ENTREP2: variants seen among roughly 807,000 people sequenced by gnomAD.
ENTREP2 encodes protein ENTREP2.
At chr15:29,488,371 T>C in the ENTREP2 span, among the ~76,000 whole-genome samples, 1 of 152,098 alleles carries the variant, frequency 6.6e-6, no homozygotes, top group Non-Finnish European at 1.5e-5. Flanking sequence ...ATGAAAATTA[T>C]CCAGTCTGAG....
chr15:29,263,688 G>A, the ENTREP2 span, among the ~76,000 whole-genome samples: 60 of 152,360 alleles, frequency 3.9e-4, no homozygotes, highest in Non-Finnish European at 7.3e-4. Flanking sequence ...GTGCTGTGTA[G>A]ATGACTGATA....
chr15:29,134,676 G>A, the ENTREP2 span, among the ~76,000 whole-genome samples: 2 of 152,206 alleles, frequency 1.3e-5, no homozygotes, highest in Admixed American at 1.3e-4. Context: ...AGTCCTTGTG[G>A]GTGTGATTGT....
At chr15:29,202,464 AT>A in the ENTREP2 span, among the ~76,000 whole-genome samples, 4 of 152,146 alleles carry the variant, frequency 2.6e-5, no homozygotes, top group Admixed American at 2.6e-4. Context: ...ATCACCTCCC[AT>A]TTTAAAAATT....
At chr15:29,489,016 T>C in the ENTREP2 span, among the ~76,000 whole-genome samples, 1 of 152,126 alleles carries the variant, frequency 6.6e-6, no homozygotes, top group African/African-American at 2.4e-5. Context: ...CTGGAGACAA[T>C]GAAAATAATT....
At chr15:29,173,373 T>G in the ENTREP2 span, among the ~76,000 whole-genome samples, 1 of 152,214 alleles carries the variant, frequency 6.6e-6, no homozygotes, top group Non-Finnish European at 1.5e-5. Flanking sequence ...GATCTTCTTT[T>G]GGTCACTTCT....
At chr15:29,640,535 G>T in the ENTREP2 span, among the ~76,000 whole-genome samples, 1 of 151,990 alleles carries the variant, frequency 6.6e-6, no homozygotes, top group Non-Finnish European at 1.5e-5. Context: ...AGTGGTGTGT[G>T]CCTGTAGACC....
chr15:29,453,912 C>G, the ENTREP2 span, among the ~76,000 whole-genome samples: 1 of 152,212 alleles, frequency 6.6e-6, no homozygotes, highest in Admixed American at 6.5e-5. Context: ...CAAGCTGCAT[C>G]CAATTTTCAA....
At chr15:29,343,160 A>G in the ENTREP2 span, among the ~76,000 whole-genome samples, 1 of 151,918 alleles carries the variant, frequency 6.6e-6, no homozygotes, top group African/African-American at 2.4e-5. Context: ...TTATTTGTTT[A>G]TATTTTCATA....
the ENTREP2 span, among the ~76,000 whole-genome samples, chr15:29,244,328 T>G: frequency 6.6e-6 from 1 of 152,226 alleles, no homozygotes; most frequent in East Asian, 1.9e-4. Flanking sequence ...ATGGCAGACA[T>G]TACTCTACAT....
the ENTREP2 span, among the ~76,000 whole-genome samples, chr15:29,617,097 T>C: frequency 6.6e-6 from 1 of 152,114 alleles, no homozygotes; most frequent in Admixed American, 6.5e-5. Flanking sequence ...TAAGATAAGA[T>C]TTATTATAGG....
chr15:29,352,947 CTT>C, the ENTREP2 span, among the ~76,000 whole-genome samples: 8 of 152,096 alleles, frequency 5.3e-5, no homozygotes, highest in South Asian at 2.1e-4. Context: ...AGTTCTATCT[CTT>C]GTTTCTATTA....
the ENTREP2 span, among the ~76,000 whole-genome samples, chr15:29,179,305 T>C: frequency 6.6e-6 from 1 of 152,262 alleles, no homozygotes; most frequent in Admixed American, 6.5e-5. Flanking sequence ...ATAGGAGCCA[T>C]GTGCAAATGC....
At chr15:29,201,982 A>G in the ENTREP2 span, among the ~76,000 whole-genome samples, 1 of 152,152 alleles carries the variant, frequency 6.6e-6, no homozygotes, top group Admixed American at 6.5e-5. Context: ...TCTCTACTTC[A>G]TAGTGTACGA....
the ENTREP2 span, among the ~76,000 whole-genome samples, chr15:29,206,250 C>G: frequency 6.6e-6 from 1 of 152,168 alleles, no homozygotes; most frequent in Non-Finnish European, 1.5e-5. Context: ...AGAGACAAGG[C>G]AGTTTTCTGG....
the ENTREP2 span, among the ~76,000 whole-genome samples, chr15:29,657,282 A>C: frequency 2.9e-4 from 44 of 151,798 alleles, no homozygotes; most frequent in Non-Finnish European, 4.9e-4. Context: ...GATGGTCGCA[A>C]ATCTCTCGAC....
At chr15:29,662,211 C>CAAAAAAA in the ENTREP2 span, among the ~76,000 whole-genome samples, 3 of 46,940 alleles carry the variant, frequency 6.4e-5, no homozygotes, top group Admixed American at 3.2e-4. Flanking sequence ...AACCCTGTCG[C>CAAAAAAA]AAAAAAAAAA....
chr15:29,577,313 G>GGTGTGTGTGTGTGTGTGT, the ENTREP2 span, among the ~76,000 whole-genome samples: 396 of 139,898 alleles, frequency 2.8e-3, 2 homozygotes, highest in Non-Finnish European at 4.2e-3. Flanking sequence ...GACTCAAAGA[G>GGTGTGTGTGTGTGTGTGT]GTGTGTGTGT....
the ENTREP2 span, among the ~76,000 whole-genome samples, chr15:29,590,714 A>G: frequency 6.6e-6 from 1 of 151,770 alleles, no homozygotes; most frequent in East Asian, 1.9e-4. Context: ...AGAAAAAGAA[A>G]AAAAAATACA....
the ENTREP2 span, among the ~76,000 whole-genome samples, chr15:29,423,083 G>A: frequency 1.3e-5 from 2 of 152,082 alleles, no homozygotes; most frequent in Non-Finnish European, 2.9e-5. Flanking sequence ...TTTTCATGCA[G>A]AGTCACGGTG....
Sources: gnomAD v4.1 joint callset for allele counts (sites outside exome capture counted in the v4.1 genomes callset) on GRCh38, gnomAD v4.1.1 for gene constraint, MANE v1.5 for transcripts, NCBI Gene and HGNC (gene_info 2026-07-23, HGNC 2026-07-21) for gene names.